Variants in SLMAP observed in about 807,000 individuals in gnomAD.
The protein encoded by SLMAP is sarcolemmal membrane-associated protein.
SLMAP carries 44 observed loss-of-function variants against 128.8 expected under a neutral mutation model. That is an observed-to-expected ratio of 0.34 (90% CI 0.27 to 0.44). SLMAP has a LOEUF of 0.44. SLMAP is among the 20% of genes least tolerant of loss of function. SLMAP has a pLI of 1.00. For missense variants in SLMAP, 787 were observed against 985.3 expected (o/e 0.80, Z 2.69); for synonymous variants, 327 against 348.8 (o/e 0.94, Z 0.70).
At chr3:57,913,600 T>C (rs74777906) in intron 21 of SLMAP, among the ~76,000 whole-genome samples, 196 of 152,330 alleles carry the variant, frequency 1.3e-3, no homozygotes, top group Non-Finnish European at 1.9e-3. Context: ...AAATATCAAC[T>C]GCTTTTCTTT....
At chr3:57,847,344 T>C in intron 5 of SLMAP, 111 bp downstream of exon 5, 2 of 763,536 alleles carry the variant, frequency 2.6e-6, no homozygotes, top group Non-Finnish European at 4.5e-6. Flanking sequence ...TAACAAAATA[T>C]GTAGAATGCA....
chr3:57,757,612 C>G lies in SLMAP; in HGVS notation c.-40C>G, dbSNP rs1162791180. 2 of 1,604,960 alleles carry G rather than the reference C, an allele frequency of 1.2e-6. No individual in the cohort carries two copies. The highest frequency in any genetic ancestry group is 3.3e-5 in the Admixed American group (2 of 59,888). Reference sequence around the variant, plus strand: ...GCAGTCCGGATCCGGAGGAACTCCTCTTTGTCCCTGGTAGGAGAGACACCC... The same window carrying G: ...GCAGTCCGGATCCGGAGGAACTCCTGTTTGTCCCTGGTAGGAGAGACACCC... On this transcript the variant is annotated 5_prime_UTR_variant, in exon 2 of 25. Transcript: ENST00000671191.
chr3:57,894,071 A>G (rs1164608535), intron 15 of SLMAP, among the ~76,000 whole-genome samples: 1 of 152,222 alleles, frequency 6.6e-6, no homozygotes, highest in Non-Finnish European at 1.5e-5. Flanking sequence ...TAATGGTTTT[A>G]GATGTGTTTC....
At chr3:57,844,134 T>G (rs1162228755) in intron 4 of SLMAP, among the ~76,000 whole-genome samples, 3 of 151,438 alleles carry the variant, frequency 2.0e-5, no homozygotes, top group Non-Finnish European at 2.9e-5. Flanking sequence ...GGCTCGTGCC[T>G]GTAATCCCAG....
At chr3:57,848,115 TA>T (rs1417255092) in intron 5 of SLMAP, among the ~76,000 whole-genome samples, 1 of 152,184 alleles carries the variant, frequency 6.6e-6, no homozygotes, top group African/African-American at 2.4e-5. Context: ...AGCTGACACA[TA>T]GGGGTGAATA....
At chr3:57,817,683 G>C (rs1037196581) in intron 2 of SLMAP, among the ~76,000 whole-genome samples, 12 of 152,124 alleles carry the variant, frequency 7.9e-5, no homozygotes, top group African/African-American at 2.9e-4. Context: ...ATAGTGTTCT[G>C]AAGTTTAGAT....
At chr3:57,894,753 T>C (rs1427870381) in intron 15 of SLMAP, among the ~76,000 whole-genome samples, 1 of 152,154 alleles carries the variant, frequency 6.6e-6, no homozygotes, top group Non-Finnish European at 1.5e-5. Flanking sequence ...AGAAAATGGC[T>C]CTTTTGAGGT....
At chr3:57,898,628 G>C (rs1417010375) in intron 17 of SLMAP, 1 of 152,130 alleles carries the variant, frequency 6.6e-6, no homozygotes, top group Non-Finnish European at 1.5e-5. Context: ...TTGTCAGTCT[G>C]TTTTAGATTT....
chr3:57,795,164 T>A (rs1423087904), intron 2 of SLMAP, among the ~76,000 whole-genome samples: 1 of 152,248 alleles, frequency 6.6e-6, no homozygotes, highest in African/African-American at 2.4e-5. Flanking sequence ...GATAATCTAA[T>A]GACTAATAAT....
chr3:57,784,140 A>G (rs571064170), intron 2 of SLMAP, among the ~76,000 whole-genome samples: 7 of 152,156 alleles, frequency 4.6e-5, no homozygotes, highest in Non-Finnish European at 1.0e-4. Flanking sequence ...GAAAGTTCCC[A>G]CTAGAGCAGT....
At chr3:57,788,404 T>G (rs553154385) in intron 2 of SLMAP, among the ~76,000 whole-genome samples, 1 of 152,290 alleles carries the variant, frequency 6.6e-6, no homozygotes, top group East Asian at 1.9e-4. Flanking sequence ...TGTAGAGTGA[T>G]TCAGTAAAGA....
In SLMAP at chr3:57,862,068, T is replaced by C. The variant is rs770646639; in HGVS notation, c.948T>C (p.Asp316=). Residue 316 remains aspartate, a synonymous_variant, in exon 10 of 25, where the codon GAT becomes GAC. Transcript: ENST00000671191. ...KYNGAVNEIK[D]LSDKLKVAEG... The stretch of plus-strand genomic sequence containing the variant: ...ATGGAGCAGTTAATGAGATTAAAGA[T>C]TTATCTGATAAATTAAAGGTATGTA... 1 of 1,584,350 alleles carries C rather than the reference T, an allele frequency of 6.3e-7. No individual in the cohort carries two copies. Among genetic ancestry groups the C allele is most frequent in the Non-Finnish European group, 8.7e-7 (1 of 1,153,704 alleles).
At position 57,782,077 on chromosome 3, in the gene SLMAP, A is replaced by G. The variant is rs144029680; in HGVS notation, c.198+24228A>G. 1.0e-3 allele frequency among the ~76,000 whole-genome samples: 156 copies of G among 152,050 alleles called. 1 individual carries two copies. Among genetic ancestry groups the G allele is most frequent in the African/African-American group, 3.5e-3 (147 of 41,476 alleles). On this transcript the variant is annotated intron_variant, in intron 2 of 24. Transcript: ENST00000671191. ...CTCCGTTAGGTAAATTCAGATTTAT[A>G]CTCTTTTATTTTGGGACTTACATTT... is the stretch of plus-strand genomic sequence containing the variant.
Position 57,912,652 on chromosome 3 carries a change from A to G in SLMAP, c.1971A>G (p.Arg657=). The G allele has an allele frequency of 6.2e-7, 1 of 1,614,058 alleles. No individual in the cohort carries two copies. Among genetic ancestry groups the G allele is most frequent in the South Asian group, 1.1e-5 (1 of 91,084 alleles). The change falls in exon 20 of 25, where the codon AGA becomes AGG. Residue 657 remains arginine, a synonymous_variant. Transcript: ENST00000671191. ...GTCTGCAAAACAGTTTTCAGCTTAG[A>G]TGTCAACAGTGTGAGGACCAGCAGA... is the stretch of plus-strand genomic sequence containing the variant. ...ITSLQNSFQL[R]CQQCEDQQRE...
chr3:57,845,062 T>C (rs905189451), intron 4 of SLMAP, among the ~76,000 whole-genome samples: 1 of 152,228 alleles, frequency 6.6e-6, no homozygotes, highest in Non-Finnish European at 1.5e-5. Flanking sequence ...GAGTAATTTT[T>C]ATGTATTTCC....
Position 57,865,321 on chromosome 3 carries a change from A to G in SLMAP, c.1237+29A>G, listed in dbSNP as rs1028162508. The G allele has an allele frequency of 5.4e-6, 5 of 921,716 alleles. No homozygotes were observed. The Admixed American group carries it at 1.2e-4, about 22-fold the overall frequency. 57.1% of individuals were successfully genotyped at this position (921,716 alleles called of 1,614,324 possible). ...GTGTAAAAAACTTAAATATATATAT[A>G]CTTTTTATGATATCATTTTAGTATT... is the stretch of plus-strand genomic sequence containing the variant. On this transcript the variant is annotated intron_variant, in intron 13 of 24. Transcript: ENST00000671191.
chr3:57,812,750 T>G (rs2091208984), intron 2 of SLMAP, among the ~76,000 whole-genome samples: 1 of 152,118 alleles, frequency 6.6e-6, no homozygotes, highest in Non-Finnish European at 1.5e-5. Flanking sequence ...TTATAGTTTT[T>G]ATTGTACAAA....
intron 13 of SLMAP, among the ~76,000 whole-genome samples, chr3:57,868,933 T>C (rs1483037679): frequency 3.6e-5 from 5 of 138,202 alleles, no homozygotes; most frequent in African/African-American, 1.1e-4. Context: ...ATATAATATA[T>C]GTTATATGTG....
At chr3:57,834,613 A>G (rs2153553812) in intron 3 of SLMAP, among the ~76,000 whole-genome samples, 1 of 152,300 alleles carries the variant, frequency 6.6e-6, no homozygotes, top group South Asian at 2.1e-4. Flanking sequence ...AAAAGACACC[A>G]GAAACAGAGG....
Sources: gnomAD v4.1 joint callset for allele counts (sites outside exome capture counted in the v4.1 genomes callset) on GRCh38, gnomAD v4.1.1 for gene constraint, MANE v1.5 for transcripts, NCBI Gene and HGNC (gene_info 2026-07-23, HGNC 2026-07-21) for gene names.